TMEM117: variants seen among roughly 807,000 people sequenced by gnomAD.
TMEM117 encodes the protein transmembrane protein 117.
A neutral mutation model predicts 52.4 loss-of-function variants in TMEM117; 27 were observed. That is an observed-to-expected ratio of 0.51 (90% confidence interval 0.38 to 0.71). TMEM117 has a LOEUF of 0.71. TMEM117 is among the 30% of genes least tolerant of loss of function. The pLI is 0.00. For synonymous variants in TMEM117, 215 were observed against 206.3 expected (o/e 1.04, Z -0.36); for missense variants, 556 against 630.5 (o/e 0.88, Z 1.26).
chr12:43,806,127 G>A, the TMEM117 span: 3 of 1,527,066 alleles, frequency 2.0e-6, no homozygotes, highest in Non-Finnish European at 8.8e-7. Flanking sequence ...CGGAGCTCCC[G>A]GCCCGACTCC....
At chr12:44,165,837 G>T (rs745315577) in intron 4 of TMEM117, among the ~76,000 whole-genome samples, 2 of 152,132 alleles carry the variant, frequency 1.3e-5, no homozygotes, top group Non-Finnish European at 2.9e-5. Flanking sequence ...AATCAACAAA[G>T]AAACATTGGA....
the TMEM117 span, among the ~76,000 whole-genome samples, chr12:43,813,144 C>G: frequency 6.6e-6 from 1 of 151,698 alleles, no homozygotes; most frequent in Non-Finnish European, 1.5e-5. Context: ...GGGTCCATCC[C>G]ACTTGCCTTC....
At chr12:43,948,647 G>A (rs556285514) in intron 3 of TMEM117, among the ~76,000 whole-genome samples, 77 of 152,286 alleles carry the variant, frequency 5.1e-4, no homozygotes, top group African/African-American at 1.8e-3. Context: ...CTGCTGAGGA[G>A]AAGGTGCTGA....
intron 2 of TMEM117, among the ~76,000 whole-genome samples, chr12:43,895,103 C>A (rs190954380): frequency 1.8e-4 from 27 of 152,224 alleles, no homozygotes; most frequent in African/African-American, 5.8e-4. Context: ...ATTATTAAGC[C>A]TAGTATCCAT....
chr12:44,319,672 G>A (rs76434415), intron 6 of TMEM117, among the ~76,000 whole-genome samples: 2,892 of 152,256 alleles, frequency 0.019, 33 homozygotes, highest in Non-Finnish European at 0.026. Flanking sequence ...TTCTGATGAC[G>A]TAAATACAAA....
At chr12:43,974,386 A>G (rs1322841359) in intron 3 of TMEM117, among the ~76,000 whole-genome samples, 1 of 152,124 alleles carries the variant, frequency 6.6e-6, no homozygotes, top group Non-Finnish European at 1.5e-5. Context: ...TTCCTTTTAT[A>G]GGAGAATATT....
At chr12:43,950,123 G>A (rs1039838769) in intron 3 of TMEM117, among the ~76,000 whole-genome samples, 4 of 152,138 alleles carry the variant, frequency 2.6e-5, no homozygotes, top group Non-Finnish European at 5.9e-5. Flanking sequence ...ACTCTGATTT[G>A]CTGCTTTCTC....
the TMEM117 span, chr12:43,806,084 C>A: frequency 6.6e-6 from 10 of 1,518,616 alleles, no homozygotes; most frequent in South Asian, 1.1e-4. Flanking sequence ...CGGAGAGGCG[C>A]CGAGGCCCGG....
intron 4 of TMEM117, among the ~76,000 whole-genome samples, chr12:44,156,287 AT>A (rs1948824944): frequency 6.6e-6 from 1 of 152,190 alleles, no homozygotes; most frequent in Admixed American, 6.6e-5. Flanking sequence ...CTTAATATGC[AT>A]TGTGGAAATC....
chr12:44,388,185 A>G lies in TMEM117; in HGVS notation c.1058A>G (p.Asn353Ser), dbSNP rs139338682. 17 of 1,613,314 alleles carry G rather than the reference A, an allele frequency of 1.1e-5. No individual in the cohort carries two copies. The highest frequency in any genetic ancestry group is 1.4e-5 in the Non-Finnish European group (16 of 1,179,612). The change falls in exon 8 of 8, where the codon AAC (asparagine) becomes AGC (serine). Residue 353 changes from asparagine (N) to serine (S), a missense_variant. Coordinates refer to ENST00000266534, the MANE Select transcript of TMEM117 (RefSeq NM_032256.3). ...VKDSESLKDL[N>S]RTKLSWEWRS... is the part of the protein sequence containing the mutation. ...GACTCAGAAAGTTTAAAAGATTTGAACAGAACCAAGCTATCCTGGGAATGG... is the reference window on the plus strand; with the variant it reads ...GACTCAGAAAGTTTAAAAGATTTGAGCAGAACCAAGCTATCCTGGGAATGG...
chr12:43,913,883 GACCAAA>G (rs1333730691), intron 2 of TMEM117, among the ~76,000 whole-genome samples: 3 of 152,136 alleles, frequency 2.0e-5, no homozygotes, highest in Non-Finnish European at 4.4e-5. Context: ...TATTACACGT[GACCAAA>G]TATTAACTAT....
At chr12:43,835,926 G>A (rs1943017763), upstream of TMEM117, 1 of 151,758 alleles carries the variant, frequency 6.6e-6, no homozygotes, top group Non-Finnish European at 1.5e-5. Context: ...CCTGCGCGGC[G>A]CCGGTGCCCT....
At chr12:44,216,005 CTTTTTTTTTTTT>C (rs778425747) in intron 5 of TMEM117, among the ~76,000 whole-genome samples, 1 of 110,840 alleles carries the variant, frequency 9.0e-6, no homozygotes, top group Admixed American at 9.5e-5. Flanking sequence ...TTCTTTCTTT[CTTTTTTTTTTTT>C]TTTTTTTTGA....
At chr12:43,840,018 C>T (rs1943092494) in intron 1 of TMEM117, among the ~76,000 whole-genome samples, 1 of 152,204 alleles carries the variant, frequency 6.6e-6, no homozygotes, top group African/African-American at 2.4e-5. Context: ...ACTAGTGATA[C>T]ATCTCTACAT....
chr12:43,972,292 G>C (rs1945600776), intron 3 of TMEM117, among the ~76,000 whole-genome samples: 1 of 152,190 alleles, frequency 6.6e-6, no homozygotes, highest in African/African-American at 2.4e-5. Flanking sequence ...TAGTGTGGGG[G>C]GTGGGGATGT....
chr12:44,333,327 G>A (rs1951297399), intron 6 of TMEM117, among the ~76,000 whole-genome samples: 2 of 152,120 alleles, frequency 1.3e-5, no homozygotes, highest in East Asian at 3.9e-4. Flanking sequence ...TGCCCTTTTG[G>A]AGCCTGGAAT....
At chr12:44,134,486 G>A (rs563481150) in intron 3 of TMEM117, among the ~76,000 whole-genome samples, 28 of 152,288 alleles carry the variant, frequency 1.8e-4, no homozygotes, top group African/African-American at 6.7e-4. Flanking sequence ...AGAGAGGGGA[G>A]TGCTATTCTA....
intron 4 of TMEM117, among the ~76,000 whole-genome samples, chr12:44,175,681 T>G (rs1373731813): frequency 1.3e-5 from 2 of 152,096 alleles, no homozygotes; most frequent in African/African-American, 2.4e-5. Flanking sequence ...AGTTATTTAT[T>G]TATGTTTTTG....
chr12:44,086,260 C>G (rs1947564190), intron 3 of TMEM117, among the ~76,000 whole-genome samples: 2 of 142,670 alleles, frequency 1.4e-5, no homozygotes, highest in South Asian at 4.4e-4. Context: ...TGTTGCCAGG[C>G]TGGAGTGTAG....
Sources: allele counts gnomAD v4.1 joint callset (sites outside exome capture counted in the v4.1 genomes callset), GRCh38; gene constraint gnomAD v4.1.1; transcripts MANE v1.5; gene names NCBI Gene and HGNC (gene_info 2026-07-23, HGNC 2026-07-21).